Variants in KAZN observed in about 807,000 individuals in gnomAD.
KAZN encodes the protein kazrin.
KAZN carries 40 observed loss-of-function variants against 87.4 expected under a neutral mutation model. The observed-to-expected ratio is 0.46, with a 90% CI of 0.36 to 0.60. The LOEUF is 0.60. Among genes scored for constraint, KAZN ranks in the 20% least tolerant of loss-of-function variants. The pLI is 0.00. For missense variants in KAZN, 898 were observed against 1,073.9 expected (o/e 0.84, Z 2.29); for synonymous variants, 466 against 458.3 (o/e 1.02, Z -0.22).
At chr1:15,075,010 C>T (rs1469463805) in intron 8 of KAZN, among the ~76,000 whole-genome samples, 1 of 152,158 alleles carries the variant, frequency 6.6e-6, no homozygotes, top group Non-Finnish European at 1.5e-5. Context: ...CAGGACAGGG[C>T]CCTTTGTACA....
At chr1:13,961,240 A>G (rs1320507207) in intron 1 of KAZN, among the ~76,000 whole-genome samples, 1 of 152,178 alleles carries the variant, frequency 6.6e-6, no homozygotes, top group East Asian at 1.9e-4. Context: ...TACTGCACTC[A>G]AAGAATAAAC....
Position 15,049,101 on chromosome 1 carries a change from C to CTTG in KAZN, c.726+4942_726+4943insTTG, listed in dbSNP as rs1553180590. On this transcript the variant is annotated intron_variant, in intron 4 of 14. Transcript: ENST00000376030. ...GTACTCCATGGGGTGACGGCTTTGC[C>CTTG]GGGAGGCTTTTGACGGGAGTCCAGC... Among the ~76,000 whole-genome samples the CTTG allele has an allele frequency of 2.6e-3, 399 of 152,134 alleles. 1 individual carries two copies. Among genetic ancestry groups the CTTG allele is most frequent in the African/African-American group, 8.6e-3 (358 of 41,470 alleles).
chr1:14,329,581 T>C (rs997194057), intron 2 of KAZN, among the ~76,000 whole-genome samples: 1 of 152,170 alleles, frequency 6.6e-6, no homozygotes, highest in African/African-American at 2.4e-5. Context: ...CTGGGATCAG[T>C]GGGTGGGCCA....
chr1:14,401,195 A>G (rs1201286063), intron 2 of KAZN, among the ~76,000 whole-genome samples: 1 of 152,344 alleles, frequency 6.6e-6, no homozygotes, highest in East Asian at 1.9e-4. Context: ...GAGAATTTGT[A>G]AAATCAGAAA....
At chr1:14,633,867 ACT>A (rs113095643) in intron 1 of KAZN, among the ~76,000 whole-genome samples, 19 of 149,760 alleles carry the variant, frequency 1.3e-4, no homozygotes, top group East Asian at 2.0e-4. Flanking sequence ...TTGCGCGCGC[ACT>A]CTCTCTCTCT....
At chr1:14,529,085 C>T (rs1672069521) in intron 2 of KAZN, among the ~76,000 whole-genome samples, 1 of 152,128 alleles carries the variant, frequency 6.6e-6, no homozygotes. Flanking sequence ...GGGCAGATTA[C>T]CTGAGGTCAG....
Position 14,735,864 on chromosome 1 carries a change from G to T in KAZN, c.226+136641G>T, listed in dbSNP as rs1643883698. 6.6e-6 allele frequency among the ~76,000 whole-genome samples: 1 copy of T among 152,222 alleles called. No individual in the cohort carries two copies. Among genetic ancestry groups the T allele is most frequent in the African/African-American group, 2.4e-5 (1 of 41,462 alleles). On this transcript the variant is annotated intron_variant, in intron 1 of 14. Coordinates refer to ENST00000376030, the MANE Select transcript of KAZN (RefSeq NM_201628.3). This position sits in a 1 kb window ranked among gnomAD's most constrained non-coding sequence, Gnocchi z 4.3. ...TTAATCCCCAGAGCCTTTGTGATTT[G>T]TAAGTTTCAGGCTTGAGCTTGAGGT... is the stretch of plus-strand genomic sequence containing the variant.
chr1:14,330,016 C>A (rs562540475), intron 2 of KAZN, among the ~76,000 whole-genome samples: 1 of 152,304 alleles, frequency 6.6e-6, no homozygotes, highest in Non-Finnish European at 1.5e-5. Flanking sequence ...ATTGCCAATT[C>A]AGAACACCTG....
intron 1 of KAZN, among the ~76,000 whole-genome samples, chr1:14,767,531 G>A (rs994591924): frequency 6.6e-6 from 1 of 152,228 alleles, no homozygotes; most frequent in African/African-American, 2.4e-5. Flanking sequence ...CCCATTGGAA[G>A]AACTCAATAA....
intron 1 of KAZN, among the ~76,000 whole-genome samples, chr1:13,942,175 A>G (rs1640951878): frequency 6.6e-6 from 1 of 152,144 alleles, no homozygotes; most frequent in African/African-American, 2.4e-5. Context: ...AAATCCCTCA[A>G]TTCTCAACCG....
At chr1:13,998,147 A>G (rs1429378585) in intron 1 of KAZN, among the ~76,000 whole-genome samples, 1 of 152,224 alleles carries the variant, frequency 6.6e-6, no homozygotes, top group Non-Finnish European at 1.5e-5. Context: ...AAGGAGAAAT[A>G]AAATCCTTTC....
chr1:14,340,558 GTT>G (rs1181345398), intron 2 of KAZN, among the ~76,000 whole-genome samples: 1 of 152,144 alleles, frequency 6.6e-6, no homozygotes, highest in Non-Finnish European at 1.5e-5. Context: ...AAAAATGTGT[GTT>G]TCAGTGCCAA....
intron 2 of KAZN, among the ~76,000 whole-genome samples, chr1:15,005,843 C>A (rs939641710): frequency 3.9e-5 from 6 of 152,124 alleles, no homozygotes; most frequent in African/African-American, 9.7e-5. Context: ...GGCATCTCAG[C>A]AGCAAGGAAA....
chr1:15,006,589 C>A (rs932865449), intron 2 of KAZN, among the ~76,000 whole-genome samples: 1 of 152,186 alleles, frequency 6.6e-6, no homozygotes, highest in South Asian at 2.1e-4. Flanking sequence ...TTACTGAATA[C>A]CTACTATGTT....
chr1:14,696,386 C>A (rs7549763), intron 1 of KAZN, among the ~76,000 whole-genome samples: 3,336 of 152,238 alleles, frequency 0.022, 97 homozygotes, highest in African/African-American at 0.065. Context: ...GACAGTTTAA[C>A]CCCAGTGAGG....
intron 1 of KAZN, among the ~76,000 whole-genome samples, chr1:14,754,628 G>A (rs950589068): frequency 1.3e-5 from 2 of 152,104 alleles, no homozygotes; most frequent in Non-Finnish European, 2.9e-5. Flanking sequence ...GGGAGATTCG[G>A]TCTAAAATTT....
intron 1 of KAZN, among the ~76,000 whole-genome samples, chr1:13,929,327 C>G (rs542871938): frequency 6.6e-6 from 1 of 152,158 alleles, no homozygotes; most frequent in Non-Finnish European, 1.5e-5. Context: ...GTTAAAAACT[C>G]AGGCTGCTGG....
At position 14,348,600 on chromosome 1, in the gene KAZN, C is replaced by T. The variant is rs562752235; in HGVS notation, c.249+168008C>T. On this transcript the variant is annotated intron_variant, in intron 2 of 16. Transcript: ENST00000636203. ...GATAAACGATAATCTTAGCTTTATA[C>T]GACTCTGAAATCTATCACTTCAGTT... is the stretch of plus-strand genomic sequence containing the variant. Among the ~76,000 whole-genome samples the T allele has an allele frequency of 5.9e-5, 9 of 152,288 alleles. No homozygotes were observed. In the South Asian group the frequency reaches 6.2e-4, roughly 11 times the overall value.
At chr1:14,010,956 T>C (rs1640272096) in intron 1 of KAZN, among the ~76,000 whole-genome samples, 2 of 152,186 alleles carry the variant, frequency 1.3e-5, no homozygotes, top group African/African-American at 4.8e-5. Flanking sequence ...TCCCCTTTTT[T>C]TTTGGACCTT....
Sources: gnomAD v4.1 joint callset for allele counts (sites outside exome capture counted in the v4.1 genomes callset) on GRCh38, gnomAD v4.1.1 for gene constraint, Gnocchi (gnomAD v3.1) non-coding constraint, MANE v1.5 for transcripts, NCBI Gene and HGNC (gene_info 2026-07-23, HGNC 2026-07-21) for gene names.